The following ALOX15 variants were observed in gnomAD, a reference collection of about 807,000 sequenced individuals.
ALOX15 encodes arachidonate 15-lipoxygenase, also known as polyunsaturated fatty acid lipoxygenase ALOX15.
ALOX15 carries 68 observed loss-of-function variants against 71.7 expected under a neutral mutation model. The observed-to-expected ratio is 0.95, with a 90% CI of 0.78 to 1.16. The LOEUF is 1.16. Ranked by LOEUF, ALOX15 falls within the 50% of genes most tolerant of loss-of-function variation. ALOX15 has a pLI of 0.00. For synonymous variants in ALOX15, 346 were observed against 333.3 expected (o/e 1.04, Z -0.42); for missense variants, 798 against 818.8 (o/e 0.97, Z 0.31).
Position 4,631,973 on chromosome 17 carries a change from T to C in ALOX15, c.1725A>G (p.Thr575=). 1 of 1,614,160 alleles carries C rather than the reference T, an allele frequency of 6.2e-7. No individual in the cohort carries two copies. Among genetic ancestry groups the C allele is most frequent in the Non-Finnish European group, 8.5e-7 (1 of 1,180,032 alleles). The stretch of plus-strand genomic sequence containing the variant: ...GGAAGTTGGGCAGTGTCGCCATCAC[T>C]GTCTCCAGCGTTGCATCCTTGGTGG... The part of the protein sequence containing the change: ...PPTTKDATLE[T]VMATLPNFHQ... The change falls in exon 13 of 14, where the codon ACA becomes ACG. Residue 575 remains threonine, a synonymous_variant. Coordinates refer to ENST00000293761, the MANE Select transcript of ALOX15 (RefSeq NM_001140.5).
intron 4 of ALOX15, 47 bp downstream of exon 4, chr17:4,638,801 CCA>C: frequency 6.2e-7 from 1 of 1,613,462 alleles, no homozygotes; most frequent in Non-Finnish European, 8.5e-7. Context: ...CCCTTGGCTT[CCA>C]CTAGACCAGG....
intron 8 of ALOX15, 52 bp downstream of exon 8, chr17:4,635,707 T>G: frequency 6.3e-7 from 1 of 1,588,620 alleles, no homozygotes; most frequent in Non-Finnish European, 8.6e-7. Context: ...GGTCGGAACG[T>G]GCCCTGGGGC....
At chr17:4,632,377 C>T (rs534093111) in intron 11 of ALOX15, 96 bp from the exon 12 acceptor site, 16 of 997,722 alleles carry the variant, frequency 1.6e-5, no homozygotes, top group South Asian at 2.8e-5. Flanking sequence ...CGAGAAAGAG[C>T]GGCAGGAATG....
At position 4,633,172 on chromosome 17, in the gene ALOX15, C is replaced by A. The variant is rs1415444236; in HGVS notation, c.1392G>T (p.Ala464=). The A allele has an allele frequency of 1.9e-6, 3 of 1,614,070 alleles. No homozygotes were observed. Among genetic ancestry groups the A allele is most frequent in the South Asian group, 1.1e-5 (1 of 91,084 alleles). Residue 464 remains alanine, a synonymous_variant, in exon 10 of 14, where the codon GCG becomes GCT. Coordinates refer to ENST00000293761, the MANE Select transcript of ALOX15 (RefSeq NM_001140.5). ...GATAGATGATTTCCCAGAGCCGCAG[C>A]GCATCTTGGGCATAGAAGGAAGACT... ...GVKSSFYAQD[A]LRLWEIIYRY...
intron 8 of ALOX15, among the ~76,000 whole-genome samples, chr17:4,635,430 C>CAAAAAAAA (rs56193749): frequency 7.6e-6 from 1 of 131,152 alleles, no homozygotes. Flanking sequence ...GACTCCATCT[C>CAAAAAAAA]AAAAAAAAAA....
Position 4,631,343 on chromosome 17 carries a change from A to G in ALOX15, c.*257T>C, listed in dbSNP as rs1910887372. 2 of 521,386 alleles carry G rather than the reference A, an allele frequency of 3.8e-6. No homozygotes were observed. Among genetic ancestry groups the G allele is most frequent in the Non-Finnish European group, 6.8e-6 (2 of 294,524 alleles). 32.3% of individuals were successfully genotyped at this position (521,386 alleles called of 1,614,324 possible). A position where few individuals can be genotyped will look rare whatever the true frequency, so the allele number is the denominator to read the frequency against. On this transcript the variant is annotated 3_prime_UTR_variant, in exon 14 of 14. Transcript: ENST00000293761. ...ATATAATTGTGGCTATTTGCCATAT[A>G]GATCTGAATGAAGAAAGAGGAAGAG...
rs1313034532 is a variant in ALOX15 at position 4,633,494 on chromosome 17, T to C, written c.1168A>G (p.Ile390Val). 6.2e-7 allele frequency: 1 copy of C among 1,613,744 alleles called. No individual in the cohort carries two copies. Among genetic ancestry groups the C allele is most frequent in the Admixed American group, 1.7e-5 (1 of 60,000 alleles). ...PSIHPIFKLI[I>V]PHLRYTLEIN... ...TCCAGGGTGTATCGCAGGTGGGGAA[T>C]TATAAGCTAGAGGGAGAAACACAGG... Residue 390 changes from isoleucine to valine, a missense_variant, in exon 9 of 14, where the codon ATT becomes GTT. Around this residue, in one of 3 missense-constraint regions of ALOX15, gnomAD observed 490 missense variants for 509.4 expected, o/e 0.96. Transcript: ENST00000293761.
chr17:4,638,271 T>C lies in ALOX15; in HGVS notation c.753A>G (p.Leu251=), dbSNP rs1328312330. 6.8e-6 allele frequency: 5 copies of C among 739,038 alleles called. No individual in the cohort carries two copies. In the Admixed American group the frequency reaches 1.0e-4, roughly 15 times the overall value. 45.8% of individuals were successfully genotyped at this position (739,038 alleles called of 1,614,324 possible). ...GTTCCTCCATGCCTGGAGGGAACACTAGGCGAGCAGGAAGGTGAGCAGAGC... is the reference window on the plus strand; with the variant it reads ...GTTCCTCCATGCCTGGAGGGAACACCAGGCGAGCAGGAAGGTGAGCAGAGC... The part of the protein sequence containing the change: ...LRRSAHLPAR[L]VFPPGMEELQ... The change falls in exon 6 of 14, where the codon CTA becomes CTG. Residue 251 remains leucine, a synonymous_variant. Coordinates refer to ENST00000293761, the MANE Select transcript of ALOX15 (RefSeq NM_001140.5).
rs746794276 is a variant in ALOX15, at chr17:4,641,652, C to A, written c.-1G>T. The A allele has an allele frequency of 1.2e-6, 2 of 1,607,800 alleles. No homozygotes were observed. Among genetic ancestry groups the A allele is most frequent in the Non-Finnish European group, 1.7e-6 (2 of 1,178,842 alleles). ...ACACGCGGATGCGGTAGAGACCCATCTTGCTCAAAGATGTTTCGCTCCTTC... is the reference window on the plus strand; with the variant it reads ...ACACGCGGATGCGGTAGAGACCCATATTGCTCAAAGATGTTTCGCTCCTTC... On this transcript the variant is annotated 5_prime_UTR_variant, in exon 1 of 14. Transcript: ENST00000293761.
chr17:4,635,243 C>T (rs1597430715), intron 8 of ALOX15, among the ~76,000 whole-genome samples: 1 of 151,932 alleles, frequency 6.6e-6, no homozygotes, highest in South Asian at 2.1e-4. Flanking sequence ...CCAGCCTGGC[C>T]AACATGGTGA....
Position 4,635,844 on chromosome 17 carries a change from G to T in ALOX15, c.1076C>A (p.Ser359Tyr), listed in dbSNP as rs1319726558. 9 of 1,614,250 alleles carry T rather than the reference G, an allele frequency of 5.6e-6. No individual in the cohort carries two copies. The highest frequency in any genetic ancestry group is 7.6e-6 in the Non-Finnish European group (9 of 1,180,046). Residue 359 changes from serine (S) to tyrosine (Y), a missense_variant, in exon 8 of 14, where the codon TCT becomes TAT. By Grantham distance (144) the Ser-to-Tyr change is moderately radical. Around this residue, in one of 3 missense-constraint regions of ALOX15, gnomAD observed 490 missense variants for 509.4 expected, o/e 0.96. Transcript: ENST00000293761. ...SSDFQLHELQ[S>Y]HLLRGHLMAE... ...CATCAAGTGTCCCCTCAGAAGATGA[G>T]ACTGCAGCTCATGGAGCTGGAAGTC...
Position 4,639,044 on chromosome 17 carries a change from G to A in ALOX15, c.419+7C>T. 7 of 1,614,174 alleles carry A rather than the reference G, an allele frequency of 4.3e-6. No homozygotes were observed. Among genetic ancestry groups the A allele is most frequent in the Non-Finnish European group, 5.9e-6 (7 of 1,180,016 alleles). On this transcript the variant is annotated splice_region_variant and intron_variant, in intron 3 of 13. Transcript: ENST00000293761. The stretch of plus-strand genomic sequence containing the variant: ...AGCTCACGTGGGGTCAGGGGAGGAG[G>A]GCTCACCGGTACAACTTCCTTCTCT...
chr17:4,636,059 C>A, intron 7 of ALOX15, 91 bp from the exon 8 acceptor site: 1 of 1,355,646 alleles, frequency 7.4e-7, no homozygotes, highest in Non-Finnish European at 1.0e-6. Context: ...CACCCTTCGT[C>A]CTCCAAACCT....
rs753855618 is a variant in ALOX15 at position 4,633,378 on chromosome 17, A to C, written c.1248+36T>G. The C allele has an allele frequency of 6.8e-6, 11 of 1,611,980 alleles. No individual in the cohort carries two copies. In the Admixed American group the frequency reaches 1.5e-4, roughly 22 times the overall value. On this transcript the variant is annotated intron_variant, in intron 9 of 13. Coordinates refer to ENST00000293761, the MANE Select transcript of ALOX15 (RefSeq NM_001140.5). The stretch of plus-strand genomic sequence containing the variant: ...CTGCCCTGAATCCAGAGCTGGAAAA[A>C]AGACAGACCCAGAATCTCCCTTTCT...
chr17:4,635,524 T>C (rs565448587), intron 8 of ALOX15, among the ~76,000 whole-genome samples: 2 of 152,308 alleles, frequency 1.3e-5, no homozygotes, highest in South Asian at 4.1e-4. Flanking sequence ...CATTTGCATG[T>C]ACTGTGCTTT....
At chr17:4,633,576 C>G in intron 8 of ALOX15, 76 bp from the exon 9 acceptor site, 1 of 1,255,758 alleles carries the variant, frequency 8.0e-7, no homozygotes, top group Non-Finnish European at 1.2e-6. Flanking sequence ...GGGCTGACAG[C>G]AGGAAAGGCA....
intron 1 of ALOX15, 166 bp from the exon 2 acceptor site, chr17:4,639,797 G>A (rs1245260214): frequency 3.0e-6 from 2 of 656,712 alleles, no homozygotes; most frequent in African/African-American, 2.0e-5. Context: ...CGCCGAGCAG[G>A]TGGCCCCAGG....
At chr17:4,633,794 CA>C (rs1329772485) in intron 8 of ALOX15, among the ~76,000 whole-genome samples, 1 of 152,150 alleles carries the variant, frequency 6.6e-6, no homozygotes, top group Non-Finnish European at 1.5e-5. Context: ...TGCCCATCAA[CA>C]ATAGACCAGG....
rs1910911611 is a variant in ALOX15 at position 4,631,880 on chromosome 17, A to C, written c.1809+9T>G. On this transcript the variant is annotated intron_variant, in intron 13 of 13. Coordinates refer to ENST00000293761, the MANE Select transcript of ALOX15 (RefSeq NM_001140.5). ...TCCTTCCTTAGGGCCCTGGGCACTC[A>C]GCTCTCACCATAACGGGCTGGCGTC... The C allele has an allele frequency of 1.2e-6, 2 of 1,608,996 alleles. No individual in the cohort carries two copies. The highest frequency in any genetic ancestry group is 1.3e-5 in the African/African-American group (1 of 74,988).
Sources: allele counts gnomAD v4.1 joint callset (sites outside exome capture counted in the v4.1 genomes callset), GRCh38; gene constraint gnomAD v4.1.1; regional missense constraint gnomAD v4.1.1; transcripts MANE v1.5; gene names NCBI Gene and HGNC (gene_info 2026-07-23, HGNC 2026-07-21).